Variants in WASHC1 observed in about 807,000 individuals in gnomAD.
WASHC1 encodes WASH complex subunit 1, also known as CXYorf1-like protein on chromosome 9.
In WASHC1, 11 loss-of-function variants were observed where a neutral mutation model predicts 26.1. The observed-to-expected ratio is 0.42, with a 90% CI of 0.27 to 0.70. The LOEUF (loss-of-function observed/expected upper bound fraction) is 0.70, where lower values mean the gene tolerates loss of function less well. Ranked by LOEUF, WASHC1 falls within the 30% of genes least tolerant of loss-of-function variation. WASHC1 has a pLI of 0.24. For missense variants in WASHC1, 96 were observed against 304.9 expected (o/e 0.31, Z 5.10); for synonymous variants, 37 against 126.6 (o/e 0.29, Z 4.75).
exon 7 of WASHC1, chr9:17,072 T>C (rs1432737702): frequency 2.0e-6 from 3 of 1,470,148 alleles, no homozygotes; most frequent in Non-Finnish European, 2.7e-6. Context: ...GTACATGAGG[T>C]CGTTGGCAAT....
Position 14,692 on chromosome 9 carries a change from G to C in WASHC1, c.*115C>G, listed in dbSNP as rs1438453203. 44 of 1,218,382 alleles carry C rather than the reference G, an allele frequency of 3.6e-5. 1 individual carries two copies. Among genetic ancestry groups the C allele is most frequent in the Non-Finnish European group, 5.0e-5 (43 of 855,276 alleles). The allele number at this position is 1,218,382 out of a possible 1,614,324, so 75.5% of individuals were successfully genotyped here. On this transcript the variant is annotated 3_prime_UTR_variant, in exon 11 of 11. Transcript: ENST00000442898. ...TCCTTGAAGCTGGTCTCCACACACT[G>C]CTGGTTCCGTCACCCCCTCCCAGGG...
chr9:21,932 T>TTCCAAGCCACACTGAGGCCTCCC (rs1816987249), intron 2 of WASHC1, among the ~76,000 whole-genome samples: 1 of 143,800 alleles, frequency 7.0e-6, no homozygotes, highest in Non-Finnish European at 1.5e-5. Flanking sequence ...ATACACCACG[T>TTCCAAGCCACACTGAGGCCTCCC]TCCAAGCCAC....
chr9:14,626 A>G (rs1815981375), exon 11 of WASHC1: 1 of 1,205,054 alleles, frequency 8.3e-7, no homozygotes, highest in African/African-American at 1.6e-5. Context: ...CAGGCAGACA[A>G]GTCCCCGCCC....
chr9:14,634 C>T, exon 11 of WASHC1: 1 of 1,208,278 alleles, frequency 8.3e-7, no homozygotes, highest in Non-Finnish European at 1.2e-6. Context: ...CAAGTCCCCG[C>T]CCCAGCTGTG....
At chr9:17,149 G>C in exon 7 of WASHC1, 2 of 1,283,012 alleles carry the variant, frequency 1.6e-6, no homozygotes, top group Non-Finnish European at 2.1e-6. Context: ...CTGGCACATA[G>C]AAGTAGTTCT....
At position 14,833 on chromosome 9, in the gene WASHC1, C is replaced by A; in HGVS notation, c.1372G>T (p.Glu458Ter). 1 of 1,514,638 alleles carries A rather than the reference C, an allele frequency of 6.6e-7. No individual in the cohort carries two copies. The highest frequency in any genetic ancestry group is 2.3e-5 in the East Asian group (1 of 44,246). 93.8% of individuals were successfully genotyped at this position (1,514,638 alleles called of 1,614,324 possible). Residue 458 changes from glutamate (E) to a stop codon, truncating the protein, a stop_gained, in exon 11 of 11, where the codon GAG (glutamate) becomes TAG (stop). Transcript: ENST00000442898. LOFTEE classifies it high-confidence loss of function. Reference sequence around the variant, plus strand: ...TACGATTCCCAGTCGTCCTCGTCCTCCTCTGCCTGTGGCTGCTGCGGTGGC... The same window carrying A: ...TACGATTCCCAGTCGTCCTCGTCCTACTCTGCCTGTGGCTGCTGCGGTGGC...
chr9:21,567 TC>T (rs1199713128), intron 2 of WASHC1, among the ~76,000 whole-genome samples: 96 of 140,336 alleles, frequency 6.8e-4, no homozygotes, highest in African/African-American at 2.6e-3. Flanking sequence ...CCCAAACTCT[TC>T]TGTCCCATCC....
rs201734531 is a variant in WASHC1, at chr9:20,720, T to C, written c.150-2228A>G. Among the ~76,000 whole-genome samples, 10 of 94,272 alleles carry C rather than the reference T, an allele frequency of 1.1e-4. 3 individuals are homozygous for C. Among genetic ancestry groups the C allele is most frequent in the Non-Finnish European group, 1.9e-4 (10 of 52,456 alleles). 61.8% of individuals were successfully genotyped at this position (94,272 alleles called of 152,430 possible). ...AAATCAAGCGTATAAATACAGAAGG[T>C]GGAGAGAACTTGCTTTAGACACAGT... On this transcript the variant is annotated intron_variant, in intron 2 of 10. Transcript: ENST00000442898.
chr9:23,578 AGAG>A (rs1817150730), intron 2 of WASHC1, among the ~76,000 whole-genome samples: 1 of 108,938 alleles, frequency 9.2e-6, no homozygotes, highest in African/African-American at 5.1e-5. Context: ...TGGTGACAGA[AGAG>A]GAGGCTGCAA....
chr9:17,164 G>C lies in WASHC1; in HGVS notation c.684C>G (p.Val228=), dbSNP rs1276909946. 4 of 1,293,966 alleles carry C rather than the reference G, an allele frequency of 3.1e-6. 1 individual carries two copies. In the Admixed American group the frequency reaches 6.0e-5, roughly 20 times the overall value. 80.2% of individuals were successfully genotyped at this position (1,293,966 alleles called of 1,614,324 possible). Residue 228 remains valine, a splice_region_variant and synonymous_variant, in exon 7 of 11, where the codon GTC becomes GTG. Coordinates refer to ENST00000442898, the Ensembl canonical transcript of WASHC1. ...CTGGCACATAGAAGTAGTTCTCTGG[G>C]ACCTGCAAGATTAGGCAGGGACATG...
intron 2 of WASHC1, among the ~76,000 whole-genome samples, chr9:21,147 GGA>G (rs1392592969): frequency 1.4e-4 from 22 of 152,250 alleles, no homozygotes; most frequent in African/African-American, 4.8e-4. Context: ...TGGGTGGTGG[GGA>G]GAGAGTCTCT....
At chr9:14,938 T>G (rs1426425957) in exon 11 of WASHC1, 8 of 1,374,886 alleles carry the variant, frequency 5.8e-6, no homozygotes, top group Non-Finnish European at 7.9e-6. Context: ...TTCCCAGAGA[T>G]GCCTGGAGGG....
chr9:28,750 G>C (rs1304093624), intron 1 of WASHC1: 1 of 132,470 alleles, frequency 7.5e-6, no homozygotes, highest in Non-Finnish European at 1.6e-5. Flanking sequence ...TTCTTTTTAA[G>C]TGACAAAACT....
chr9:17,113 A>G, exon 7 of WASHC1: 2 of 1,261,420 alleles, frequency 1.6e-6, no homozygotes, highest in Non-Finnish European at 2.1e-6. Context: ...AGGATGGAAC[A>G]TGGATCTCAG....
At chr9:22,510 GA>G (rs2130448732) in intron 2 of WASHC1, among the ~76,000 whole-genome samples, 1 of 118,324 alleles carries the variant, frequency 8.5e-6, no homozygotes. Flanking sequence ...TTGGTCTGGG[GA>G]GTTCTGACAG....
At chr9:15,924 T>TCTG (rs762109709) in exon 9 of WASHC1, 1 of 1,415,104 alleles carries the variant, frequency 7.1e-7, no homozygotes, top group Non-Finnish European at 9.6e-7. Context: ...TCCTGCTCCT[T>TCTG]CTGCTGCTGC....
chr9:14,940 C>A, exon 11 of WASHC1: 1 of 1,374,302 alleles, frequency 7.3e-7, no homozygotes, highest in Non-Finnish European at 9.9e-7. Flanking sequence ...CCCAGAGATG[C>A]CTGGAGGGAA....
intron 2 of WASHC1, among the ~76,000 whole-genome samples, chr9:21,676 A>ACTCTT (rs1816942405): frequency 6.8e-6 from 1 of 147,210 alleles, no homozygotes; most frequent in East Asian, 2.1e-4. Flanking sequence ...ACTCATCCCA[A>ACTCTT]CTCTTCACTC....
chr9:20,594 G>T (rs1183794404), intron 2 of WASHC1, among the ~76,000 whole-genome samples: 1 of 78,094 alleles, frequency 1.3e-5, no homozygotes, highest in Non-Finnish European at 2.2e-5. Context: ...TTTCATGATC[G>T]AATCAAGGCT....
Sources: gnomAD v4.1 joint callset for allele counts (sites outside exome capture counted in the v4.1 genomes callset) on GRCh38, gnomAD v4.1.1 for gene constraint, MANE v1.5 for transcripts, NCBI Gene and HGNC (gene_info 2026-07-23, HGNC 2026-07-21) for gene names.